The following RXFP2 variants were observed in gnomAD, a reference collection of about 807,000 sequenced individuals.
RXFP2 encodes relaxin receptor 2.
Under a neutral mutation model 88.6 loss-of-function variants are expected in RXFP2, and 68 were observed. The ratio of observed to expected loss-of-function variants is 0.77; its 90% CI spans 0.63 to 0.94. The LOEUF (loss-of-function observed/expected upper bound fraction) is 0.94, where lower values mean the gene tolerates loss of function less well. Among genes scored for constraint, RXFP2 ranks in the 40% least tolerant of loss-of-function variants. RXFP2 has a pLI of 0.00. For missense variants in RXFP2, 791 were observed against 893.9 expected (o/e 0.88, Z 1.47); for synonymous variants, 329 against 306.8 (o/e 1.07, Z -0.76).
intron 3 of RXFP2, among the ~76,000 whole-genome samples, chr13:31,763,595 CA>C (rs1030001997): frequency 6.6e-6 from 1 of 151,546 alleles, no homozygotes; most frequent in African/African-American, 2.4e-5. Flanking sequence ...TTCCAATCCC[CA>C]GAAAATGCCA....
At chr13:31,751,177 G>A (rs569295353) in intron 1 of RXFP2, among the ~76,000 whole-genome samples, 27 of 152,074 alleles carry the variant, frequency 1.8e-4, no homozygotes, top group South Asian at 8.3e-4. Context: ...CTGTAATTCC[G>A]GCTACTTGGG....
chr13:31,798,331 C>G (rs1189614824), intron 17 of RXFP2, among the ~76,000 whole-genome samples: 1 of 152,210 alleles, frequency 6.6e-6, no homozygotes, highest in African/African-American at 2.4e-5. Flanking sequence ...GCTATCAGTT[C>G]TGTCTCCACA....
At chr13:31,798,172 T>C (rs1384288911) in intron 17 of RXFP2, among the ~76,000 whole-genome samples, 1 of 152,210 alleles carries the variant, frequency 6.6e-6, no homozygotes, top group East Asian at 1.9e-4. Flanking sequence ...GCAGGATGCC[T>C]GATACTTTGA....
intron 9 of RXFP2, among the ~76,000 whole-genome samples, chr13:31,779,245 C>T (rs1233870598): frequency 1.3e-5 from 2 of 151,898 alleles, no homozygotes; most frequent in Admixed American, 1.3e-4. Context: ...CCTGCCTCAG[C>T]CTCCCGAGTA....
chr13:31,783,627 G>T (rs1489875685), intron 11 of RXFP2, among the ~76,000 whole-genome samples: 7 of 152,158 alleles, frequency 4.6e-5, no homozygotes, highest in Non-Finnish European at 8.8e-5. Context: ...GTATGTGCAA[G>T]GTACTGCATT....
At chr13:31,782,244 C>G (rs1408226262) in intron 10 of RXFP2, among the ~76,000 whole-genome samples, 1 of 152,036 alleles carries the variant, frequency 6.6e-6, no homozygotes, top group East Asian at 1.9e-4. Context: ...GGCGGGAAGG[C>G]AGATGGTTTG....
At position 31,775,333 on chromosome 13, in the gene RXFP2, C is replaced by T. The variant is rs766621937; in HGVS notation, c.585C>T (p.Asn195=). The T allele has an allele frequency of 3.1e-6, 5 of 1,613,602 alleles. No individual in the cohort carries two copies. Among genetic ancestry groups the T allele is most frequent in the Non-Finnish European group, 3.4e-6 (4 of 1,179,548 alleles). Residue 195 remains asparagine (N), a synonymous_variant, in exon 7 of 18, where the codon AAC becomes AAT. Coordinates refer to ENST00000298386, the MANE Select transcript of RXFP2 (RefSeq NM_130806.5). The part of the protein sequence containing the change: ...CNLQILYLNH[N]CITTLRPGIF... ...CTATTTGTAGATATCTCAACCACAA[C>T]TGCATCACAACCCTCAGACCTGGAA...
intron 5 of RXFP2, 48 bp from the exon 6 acceptor site, chr13:31,774,572 T>C (rs777754263): frequency 1.1e-6 from 1 of 910,534 alleles, no homozygotes; most frequent in East Asian, 2.4e-5. Flanking sequence ...CAACCTAATA[T>C]AGTCCATAAA....
chr13:31,761,249 C>G (rs1872287426), intron 2 of RXFP2, among the ~76,000 whole-genome samples: 1 of 151,940 alleles, frequency 6.6e-6, no homozygotes, highest in Non-Finnish European at 1.5e-5. Context: ...CCGCTGCACC[C>G]AGAAAAAAGC....
intron 7 of RXFP2, among the ~76,000 whole-genome samples, chr13:31,776,102 T>TTTTCTTTTCTTTCTTTCTTTC (rs372102585): frequency 9.1e-4 from 100 of 109,898 alleles, no homozygotes; most frequent in African/African-American, 3.2e-3. Context: ...CTTTCTTTTC[T>TTTTCTTTTCTTTCTTTCTTTC]TTTCTTTCTT....
chr13:31,753,559 C>T (rs139205357), intron 1 of RXFP2, among the ~76,000 whole-genome samples: 1 of 152,286 alleles, frequency 6.6e-6, no homozygotes, highest in Non-Finnish European at 1.5e-5. Flanking sequence ...AAAACTGTCT[C>T]TTTCCACTTC....
At position 31,778,423 on chromosome 13, in the gene RXFP2, CG is replaced by C. The variant is rs553336567; in HGVS notation, c.714-88del. The C allele has an allele frequency of 1.7e-3, 1,547 of 885,406 alleles. 27 individuals are homozygous for C. The South Asian group carries it at 0.021, about 12-fold the overall frequency. 54.8% of individuals were successfully genotyped at this position (885,406 alleles called of 1,614,324 possible). A position where few individuals can be genotyped will look rare whatever the true frequency, so the allele number is the denominator to read the frequency against. ...TCATCATAAGATATTAATTTTAGCA[CG>C]CAAGTTTTGAAATTTTAAAATAATA... On this transcript the variant is annotated intron_variant, in intron 8 of 17. Transcript: ENST00000298386.
At chr13:31,743,653 A>G (rs1216373436) in intron 1 of RXFP2, among the ~76,000 whole-genome samples, 2 of 147,812 alleles carry the variant, frequency 1.4e-5, no homozygotes, top group Non-Finnish European at 1.5e-5. Flanking sequence ...TCTCCTTCCC[A>G]TCTTTATTTA....
intron 5 of RXFP2, among the ~76,000 whole-genome samples, chr13:31,768,862 A>C (rs967849407): frequency 6.6e-6 from 1 of 151,970 alleles, no homozygotes; most frequent in African/African-American, 2.4e-5. Context: ...ATCTACTCTT[A>C]CCTTTTTCTT....
chr13:31,752,207 C>G (rs1262317420), intron 1 of RXFP2, among the ~76,000 whole-genome samples: 1 of 152,108 alleles, frequency 6.6e-6, no homozygotes, highest in African/African-American at 2.4e-5. Flanking sequence ...CAAAGTTAGG[C>G]AGCATTTCCC....
intron 1 of RXFP2, among the ~76,000 whole-genome samples, chr13:31,755,500 T>A (rs1380833040): frequency 1.3e-5 from 2 of 151,810 alleles, no homozygotes; most frequent in African/African-American, 4.8e-5. Flanking sequence ...GCATGCTGGA[T>A]TGTGATATAA....
chr13:31,783,383 C>T (rs539144142), intron 11 of RXFP2, among the ~76,000 whole-genome samples: 31 of 152,326 alleles, frequency 2.0e-4, no homozygotes, highest in African/African-American at 7.2e-4. Context: ...AAGTCTGTTA[C>T]ATTACACATA....
intron 5 of RXFP2, among the ~76,000 whole-genome samples, chr13:31,771,791 TAA>T (rs112121434): frequency 2.1e-5 from 3 of 144,420 alleles, no homozygotes; most frequent in Non-Finnish European, 3.0e-5. Flanking sequence ...AACTCTGTCT[TAA>T]AAAAAAAAAA....
intron 1 of RXFP2, among the ~76,000 whole-genome samples, chr13:31,748,901 G>A (rs1179343010): frequency 6.6e-6 from 1 of 152,162 alleles, no homozygotes; most frequent in East Asian, 1.9e-4. Flanking sequence ...GGAGGCTAAG[G>A]CAGGAGAATC....
Sources: allele counts gnomAD v4.1 joint callset (sites outside exome capture counted in the v4.1 genomes callset), GRCh38; gene constraint gnomAD v4.1.1; transcripts MANE v1.5; gene names NCBI Gene and HGNC (gene_info 2026-07-23, HGNC 2026-07-21).